The following ZBTB20 variants were observed in gnomAD, a reference collection of about 807,000 sequenced individuals.
ZBTB20 encodes zinc finger and BTB domain-containing protein 20.
A neutral mutation model predicts 56.9 loss-of-function variants in ZBTB20; 9 were observed. That is an observed-to-expected ratio of 0.16 (90% CI 0.10 to 0.28). The LOEUF (loss-of-function observed/expected upper bound fraction) is 0.28. Ranked by LOEUF, ZBTB20 falls within the 10% of genes least tolerant of loss-of-function variation. The pLI, the probability that ZBTB20 is intolerant of heterozygous loss-of-function variation, is 1.00. For missense variants in ZBTB20, 655 were observed against 1,003.0 expected (o/e 0.65, Z 4.69); for synonymous variants, 417 against 420.7 (o/e 0.99, Z 0.11).
chr3:114,349,260 T>G (rs113274359), intron 11 of ZBTB20, among the ~76,000 whole-genome samples: 136 of 151,964 alleles, frequency 8.9e-4, no homozygotes, highest in African/African-American at 3.2e-3. Flanking sequence ...TAGGTATTCT[T>G]AGGTCCAAGA....
At position 114,415,334 on chromosome 3, in the gene ZBTB20, G is replaced by A. The variant is rs533125880; in HGVS notation, c.-254-26229C>T. The stretch of plus-strand genomic sequence containing the variant: ...AGATTCAGAGAAAAACTTGATGAAG[G>A]GGCATATAGGGATGGAAGACATCTT... On this transcript the variant is annotated intron_variant, in intron 7 of 11. Coordinates refer to ENST00000675478, the MANE Select transcript of ZBTB20 (RefSeq NM_001348800.3). Among the ~76,000 whole-genome samples, 4 of 152,194 alleles carry A rather than the reference G, an allele frequency of 2.6e-5. No individual in the cohort carries two copies. The South Asian group carries it at 8.3e-4, about 32-fold the overall frequency.
intron 7 of ZBTB20, among the ~76,000 whole-genome samples, chr3:114,391,166 A>G (rs1351993698): frequency 6.6e-6 from 1 of 151,972 alleles, no homozygotes; most frequent in African/African-American, 2.4e-5. Context: ...GTTTTTCTTT[A>G]CCTCTTGTCC....
chr3:114,931,895 A>G (rs1004225103), intron 3 of ZBTB20, among the ~76,000 whole-genome samples: 1 of 152,190 alleles, frequency 6.6e-6, no homozygotes, highest in African/African-American at 2.4e-5. Flanking sequence ...TTTAAATTAA[A>G]TCAAATGGGT....
rs997903414 is a variant in ZBTB20 at position 114,332,562 on chromosome 3, C to T, written c.*6443G>A. On this transcript the variant is annotated 3_prime_UTR_variant, in exon 12 of 12. Transcript: ENST00000675478. ...ACCCAGTTCTAGGAAAGTTTGGTGC[C>T]TCCTCAAGAAGTCACTATTTCCATA... 3 of 152,160 alleles carry T rather than the reference C, an allele frequency of 2.0e-5. No individual in the cohort carries two copies. The highest frequency in any genetic ancestry group is 4.8e-5 in the African/African-American group (2 of 41,444). 9.4% of individuals were successfully genotyped at this position (152,160 alleles called of 1,614,324 possible).
At chr3:114,526,352 A>G (rs1237884945) in intron 6 of ZBTB20, among the ~76,000 whole-genome samples, 1 of 152,182 alleles carries the variant, frequency 6.6e-6, no homozygotes, top group East Asian at 1.9e-4. Context: ...AGTGAGTTCT[A>G]TATTTAAGAT....
chr3:114,748,438 C>G (rs1176639534), intron 5 of ZBTB20, among the ~76,000 whole-genome samples: 1 of 149,656 alleles, frequency 6.7e-6, no homozygotes, highest in African/African-American at 2.5e-5. Flanking sequence ...CTCTTTCTTT[C>G]TAGCTAAAAT....
At chr3:114,493,327 A>G (rs933095070) in intron 7 of ZBTB20, among the ~76,000 whole-genome samples, 3 of 152,212 alleles carry the variant, frequency 2.0e-5, no homozygotes, top group African/African-American at 7.2e-5. Context: ...TAAAGCTGCT[A>G]TGTACATTGG....
chr3:114,980,814 G>A (rs1280904247), intron 2 of ZBTB20, among the ~76,000 whole-genome samples: 3 of 151,934 alleles, frequency 2.0e-5, no homozygotes, highest in Non-Finnish European at 4.4e-5. Flanking sequence ...GCTAATCACT[G>A]AAGAAAGATT....
intron 4 of ZBTB20, among the ~76,000 whole-genome samples, chr3:114,865,705 CATAAA>C (rs1560338586): frequency 4.6e-5 from 7 of 152,150 alleles, no homozygotes; most frequent in African/African-American, 7.2e-5. Flanking sequence ...CACTAGATTT[CATAAA>C]TCTTACTTAC....
chr3:114,317,621 TAAACA>T lies in ZBTB20; in HGVS notation c.*21379_*21383del, dbSNP rs1020818856. 17 of 152,192 alleles carry T rather than the reference TAAACA, an allele frequency of 1.1e-4. No homozygotes were observed. The highest frequency in any genetic ancestry group is 4.1e-4 in the African/African-American group (17 of 41,446). 9.4% of individuals were successfully genotyped at this position (152,192 alleles called of 1,614,324 possible). A position where few individuals can be genotyped will look rare whatever the true frequency, so the allele number is the denominator to read the frequency against. On this transcript the variant is annotated 3_prime_UTR_variant, in exon 12 of 12. Transcript: ENST00000675478. ...TGTTCAATGTTTAGGGGGAATGTGT[TAAACA>T]AAAGTTACTTCTCAAACGATGCCCA...
In ZBTB20 at chr3:114,603,416, A is replaced by G. The variant is rs915676190; in HGVS notation, c.-295+90112T>C. On this transcript the variant is annotated intron_variant, in intron 6 of 11. Transcript: ENST00000675478. ...TCTTCTGGATTAAAATTCTCATTCA[A>G]TGAACCACATCTTTCAATATAAAAA... Among the ~76,000 whole-genome samples the G allele has an allele frequency of 2.0e-5, 3 of 152,114 alleles. No individual in the cohort carries two copies. In the South Asian group the frequency reaches 6.2e-4, roughly 32 times the overall value.
chr3:114,554,947 T>C (rs997228334), intron 6 of ZBTB20, among the ~76,000 whole-genome samples: 12 of 152,146 alleles, frequency 7.9e-5, no homozygotes, highest in Non-Finnish European at 5.9e-5. Context: ...TGTTGAAATA[T>C]ACATTTTTAT....
intron 2 of ZBTB20, among the ~76,000 whole-genome samples, chr3:115,064,152 T>A (rs2108488108): frequency 6.6e-6 from 1 of 152,286 alleles, no homozygotes; most frequent in African/African-American, 2.4e-5. Flanking sequence ...CTAGCTCAAG[T>A]AAAGACTGCT....
intron 2 of ZBTB20, among the ~76,000 whole-genome samples, chr3:114,981,065 G>C (rs566799743): frequency 2.0e-5 from 3 of 151,852 alleles, no homozygotes; most frequent in Admixed American, 2.0e-4. Flanking sequence ...AAGTCAGAAG[G>C]GCCTCTGGGA....
intron 6 of ZBTB20, among the ~76,000 whole-genome samples, chr3:114,505,278 G>C (rs992820435): frequency 1.3e-5 from 2 of 152,018 alleles, no homozygotes; most frequent in Non-Finnish European, 2.9e-5. Context: ...TAAAGAGTGA[G>C]ACAAATTCTG....
At chr3:114,423,123 T>C (rs1409363088) in intron 7 of ZBTB20, among the ~76,000 whole-genome samples, 1 of 152,196 alleles carries the variant, frequency 6.6e-6, no homozygotes, top group African/African-American at 2.4e-5. Context: ...TTAACCAATG[T>C]CTAAACTTCA....
At chr3:114,731,400 G>T (rs932408953) in intron 5 of ZBTB20, among the ~76,000 whole-genome samples, 1 of 152,122 alleles carries the variant, frequency 6.6e-6, no homozygotes, top group Non-Finnish European at 1.5e-5. Context: ...TCATCTGTTA[G>T]ATGTAGCCCA....
At chr3:114,355,466 A>G (rs956361320) in intron 10 of ZBTB20, among the ~76,000 whole-genome samples, 4 of 152,200 alleles carry the variant, frequency 2.6e-5, no homozygotes, top group Non-Finnish European at 4.4e-5. Context: ...TGCTGATATG[A>G]GTACAGATGC....
intron 5 of ZBTB20, among the ~76,000 whole-genome samples, chr3:114,728,020 G>A (rs1222443791): frequency 6.6e-6 from 1 of 152,024 alleles, no homozygotes; most frequent in Admixed American, 6.6e-5. Flanking sequence ...TGTGCTCCCT[G>A]GAAAATACCA....
Sources: allele counts gnomAD v4.1 joint callset (sites outside exome capture counted in the v4.1 genomes callset), GRCh38; gene constraint gnomAD v4.1.1; transcripts MANE v1.5; gene names NCBI Gene and HGNC (gene_info 2026-07-23, HGNC 2026-07-21).